NEMP2: variants seen among roughly 807,000 people sequenced by gnomAD.
The protein encoded by NEMP2 is nuclear envelope integral membrane protein 2.
NEMP2 carries 53 observed loss-of-function variants against 54.2 expected under a neutral mutation model. That is an observed-to-expected ratio of 0.98 (90% CI 0.78 to 1.23). The LOEUF (loss-of-function observed/expected upper bound fraction) is 1.23. Among genes scored for constraint, NEMP2 ranks in the 50% most tolerant of loss-of-function variants. NEMP2 has a pLI of 0.00. For synonymous variants in NEMP2, 197 were observed against 190.3 expected (o/e 1.04, Z -0.29); for missense variants, 455 against 511.3 (o/e 0.89, Z 1.06).
chr2:190,600,289 G>A, the NEMP2 span, among the ~76,000 whole-genome samples: 1 of 152,166 alleles, frequency 6.6e-6, no homozygotes, highest in African/African-American at 2.4e-5. The surrounding 1 kb of genome is among the most constrained non-coding windows in gnomAD (Gnocchi z 4.9). Flanking sequence ...AAGATACTGG[G>A]GGAGGAAAGG....
intron 1 of NEMP2, among the ~76,000 whole-genome samples, chr2:190,532,090 G>A (rs1160761691): frequency 6.6e-6 from 1 of 152,162 alleles, no homozygotes; most frequent in Non-Finnish European, 1.5e-5. Context: ...TGGGGACAAG[G>A]AAGGGGAGGG....
the NEMP2 span, chr2:190,608,664 G>A: frequency 6.6e-6 from 1 of 152,202 alleles, no homozygotes; most frequent in Non-Finnish European, 1.5e-5. This position sits in a 1 kb window ranked among gnomAD's most constrained non-coding sequence, Gnocchi z 4.9. Flanking sequence ...GTAAGGGATA[G>A]TTAACAGATT....
the NEMP2 span, among the ~76,000 whole-genome samples, chr2:190,571,610 G>A: frequency 6.6e-6 from 1 of 152,024 alleles, no homozygotes; most frequent in African/African-American, 2.4e-5. Flanking sequence ...GTGACAATCA[G>A]ATTCACTCTC....
the NEMP2 span, among the ~76,000 whole-genome samples, chr2:190,618,185 A>C: frequency 6.6e-6 from 1 of 152,206 alleles, no homozygotes; most frequent in Non-Finnish European, 1.5e-5. Flanking sequence ...TAGCAAAATC[A>C]TCCTGCCTTT....
chr2:190,516,467 A>G, intron 5 of NEMP2, 83 bp from the exon 6 acceptor site: 2 of 999,308 alleles, frequency 2.0e-6, no homozygotes, highest in Non-Finnish European at 3.0e-6. Context: ...AACCTTTTGT[A>G]TTAGAAACTC....
chr2:190,476,234 G>C, the NEMP2 span, among the ~76,000 whole-genome samples: 2 of 152,082 alleles, frequency 1.3e-5, no homozygotes, highest in Middle Eastern at 3.2e-3. Context: ...AAGAGCTTCT[G>C]CACAGCAAAA....
chr2:190,636,643 C>G, the NEMP2 span, among the ~76,000 whole-genome samples: 3 of 152,270 alleles, frequency 2.0e-5, no homozygotes, highest in South Asian at 6.2e-4. Context: ...GCTCCCTACC[C>G]CAGAATATCT....
upstream of NEMP2, chr2:190,534,762 C>T: frequency 3.6e-6 from 3 of 845,064 alleles, no homozygotes; most frequent in Non-Finnish European, 4.7e-6. Context: ...GCGGTGAGGC[C>T]CGAACGCGGG....
upstream of NEMP2, among the ~76,000 whole-genome samples, chr2:190,538,562 G>C (rs1177175796): frequency 6.6e-6 from 1 of 151,852 alleles, no homozygotes; most frequent in Non-Finnish European, 1.5e-5. This position sits in a 1 kb window ranked among gnomAD's most constrained non-coding sequence, Gnocchi z 4.1. Flanking sequence ...TAGAGGCTGT[G>C]CTAATTTACA....
chr2:190,582,010 C>G, the NEMP2 span, among the ~76,000 whole-genome samples: 1 of 152,136 alleles, frequency 6.6e-6, no homozygotes, highest in Non-Finnish European at 1.5e-5. The surrounding 1 kb of genome is among the most constrained non-coding windows in gnomAD (Gnocchi z 4.6). Flanking sequence ...ACTGAGTGTT[C>G]CTATACTTTA....
the NEMP2 span, among the ~76,000 whole-genome samples, chr2:190,639,020 C>T: frequency 2.0e-5 from 3 of 152,108 alleles, no homozygotes; most frequent in Non-Finnish European, 4.4e-5. Context: ...TCTGGGACTG[C>T]ATAGGTCCCT....
Position 190,517,602 on chromosome 2 carries a change from A to T in NEMP2, c.530T>A (p.Phe177Tyr). ...TAGCACAGTTCCCGAGGAGTAATAGAAAGTAGGGCTTCTGTCAAGATAAGC... is the reference window on the plus strand; with the variant it reads ...TAGCACAGTTCCCGAGGAGTAATAGTAAGTAGGGCTTCTGTCAAGATAAGC... Reference protein sequence around the residue: ...YARTLSQSPTFYYSSGTVLGV... With the variant: ...YARTLSQSPTYYYSSGTVLGV... Residue 177 changes from phenylalanine (F) to tyrosine (Y), a missense_variant, in exon 5 of 9, where the codon TTC becomes TAC. Physicochemically the swap from Phe to Tyr is conservative, Grantham distance 22. Coordinates refer to ENST00000409150, the MANE Select transcript of NEMP2 (RefSeq NM_001142645.2). 3 of 1,548,632 alleles carry T rather than the reference A, an allele frequency of 1.9e-6. No individual in the cohort carries two copies. Among genetic ancestry groups the T allele is most frequent in the Non-Finnish European group, 2.6e-6 (3 of 1,145,764 alleles).
the NEMP2 span, among the ~76,000 whole-genome samples, chr2:190,485,541 GA>G: frequency 2.0e-5 from 3 of 151,668 alleles, no homozygotes; most frequent in South Asian, 2.1e-4. This position sits in a 1 kb window ranked among gnomAD's most constrained non-coding sequence, Gnocchi z 5.1. Context: ...TGTGGTTAAT[GA>G]AAAAAAATCT....
chr2:190,588,649 A>G, the NEMP2 span, among the ~76,000 whole-genome samples: 68,715 of 151,890 alleles, frequency 0.45, 16,159 homozygotes, highest in Non-Finnish European at 0.53. This position sits in a 1 kb window ranked among gnomAD's most constrained non-coding sequence, Gnocchi z 5.0. Context: ...ATGTGCTGTT[A>G]CTGCTGCTTC....
the NEMP2 span, among the ~76,000 whole-genome samples, chr2:190,604,615 T>C: frequency 2.0e-5 from 3 of 152,104 alleles, no homozygotes; most frequent in African/African-American, 7.2e-5. The surrounding 1 kb of genome is among the most constrained non-coding windows in gnomAD (Gnocchi z 4.5). Context: ...TAGGTCACAT[T>C]CTCAAGGTCA....
chr2:190,463,714 G>T, the NEMP2 span: 35,571 of 192,850 alleles, frequency 0.18, 3,476 homozygotes, highest in East Asian at 0.29. The surrounding 1 kb of genome is among the most constrained non-coding windows in gnomAD (Gnocchi z 4.4). Context: ...CAGCTACTTG[G>T]GGGGCTGAGG....
At chr2:190,493,210 C>CA in the NEMP2 span, among the ~76,000 whole-genome samples, 1 of 151,738 alleles carries the variant, frequency 6.6e-6, no homozygotes, top group Non-Finnish European at 1.5e-5. Context: ...AAATGGACAC[C>CA]AAAAGCAAGC....
At chr2:190,603,198 G>T in the NEMP2 span, among the ~76,000 whole-genome samples, 1 of 152,060 alleles carries the variant, frequency 6.6e-6, no homozygotes, top group African/African-American at 2.4e-5. Flanking sequence ...GGAATGTGGG[G>T]TGTGGGAAGT....
chr2:190,617,287 T>C, the NEMP2 span, among the ~76,000 whole-genome samples: 1 of 152,168 alleles, frequency 6.6e-6, no homozygotes, highest in Non-Finnish European at 1.5e-5. The surrounding 1 kb of genome is among the most constrained non-coding windows in gnomAD (Gnocchi z 5.0). Flanking sequence ...AAAGCTTTTG[T>C]GTCATCTGAA....
Sources: gnomAD v4.1 joint callset for allele counts (sites outside exome capture counted in the v4.1 genomes callset) on GRCh38, gnomAD v4.1.1 for gene constraint, Gnocchi (gnomAD v3.1) non-coding constraint, MANE v1.5 for transcripts, NCBI Gene and HGNC (gene_info 2026-07-23, HGNC 2026-07-21) for gene names.